COBL: variants seen among roughly 807,000 people sequenced by gnomAD.
COBL encodes cordon-bleu WH2 repeat protein, also known as protein cordon-bleu.
A neutral mutation model predicts 98.8 loss-of-function variants in COBL; 51 were observed. That is an observed-to-expected ratio of 0.52 (90% CI 0.41 to 0.65). The LOEUF (loss-of-function observed/expected upper bound fraction) is 0.65. Ranked by LOEUF, COBL falls within the 30% of genes least tolerant of loss-of-function variation. The pLI, the probability that COBL is intolerant of heterozygous loss-of-function variation, is 0.00. For missense variants in COBL, 1,617 were observed against 1,617.5 expected (o/e 1.00, Z 0.01); for synonymous variants, 634 against 651.7 (o/e 0.97, Z 0.41).
At chr7:51,191,202 T>C (rs1278132252) in intron 3 of COBL, 124 bp from the exon 4 acceptor site, 8 of 752,666 alleles carry the variant, frequency 1.1e-5, no homozygotes, top group South Asian at 6.8e-5. Context: ...CTTCCACAAA[T>C]TGAGTGAGTA....
intron 1 of COBL, among the ~76,000 whole-genome samples, chr7:51,221,225 G>A (rs1018741164): frequency 1.3e-5 from 2 of 152,124 alleles, no homozygotes; most frequent in Non-Finnish European, 1.5e-5. Flanking sequence ...CCACAGAGAG[G>A]CAGTGAGAGC....
At chr7:51,139,511 C>T (rs1799540435) in intron 5 of COBL, among the ~76,000 whole-genome samples, 1 of 152,184 alleles carries the variant, frequency 6.6e-6, no homozygotes, top group Non-Finnish European at 1.5e-5. Context: ...ATTTGCTCTA[C>T]ACAATTAACA....
intron 1 of COBL, among the ~76,000 whole-genome samples, chr7:51,265,075 C>T (rs1563104258): frequency 1.3e-5 from 2 of 152,148 alleles, no homozygotes; most frequent in Admixed American, 6.5e-5. Context: ...GCCCGATGCC[C>T]GACAACCAGC....
At chr7:51,023,852 C>T (rs1356714081) in intron 12 of COBL, among the ~76,000 whole-genome samples, 2 of 152,206 alleles carry the variant, frequency 1.3e-5, no homozygotes, top group Non-Finnish European at 2.9e-5. Flanking sequence ...ACTTCTTGTG[C>T]CCAAACTGAT....
intron 1 of COBL, among the ~76,000 whole-genome samples, chr7:51,272,008 G>A (rs562817177): frequency 2.0e-5 from 3 of 152,328 alleles, no homozygotes; most frequent in African/African-American, 4.8e-5. Flanking sequence ...CAGTCTGGGT[G>A]ACAGAGCAAG....
intron 1 of COBL, among the ~76,000 whole-genome samples, chr7:51,274,178 C>T (rs1799065677): frequency 6.6e-6 from 1 of 152,192 alleles, no homozygotes; most frequent in Non-Finnish European, 1.5e-5. Context: ...CGCTTCACTC[C>T]CCACACGGTA....
In COBL at chr7:51,207,461, G is replaced by A. The variant is rs925249154; in HGVS notation, c.245+12280C>T. 5.9e-5 allele frequency among the ~76,000 whole-genome samples: 9 copies of A among 152,122 alleles called. No individual in the cohort carries two copies. The South Asian group carries it at 8.3e-4, about 14-fold the overall frequency. On this transcript the variant is annotated intron_variant, in intron 2 of 12. Transcript: ENST00000265136. Reference sequence around the variant, plus strand: ...GGTCTCCCTCTCCCTCTCTTTCCACGGTCTCCCTCTGATGCCGAGCCGAAG... The same window carrying A: ...GGTCTCCCTCTCCCTCTCTTTCCACAGTCTCCCTCTGATGCCGAGCCGAAG...
intron 5 of COBL, among the ~76,000 whole-genome samples, chr7:51,175,391 C>T (rs1009495373): frequency 4.6e-5 from 7 of 152,194 alleles, no homozygotes; most frequent in Non-Finnish European, 1.0e-4. Flanking sequence ...GAGACCGCTC[C>T]TTAAACCCCC....
chr7:51,024,149 A>C (rs956899999), intron 12 of COBL, among the ~76,000 whole-genome samples: 9 of 151,806 alleles, frequency 5.9e-5, no homozygotes, highest in African/African-American at 2.2e-4. Context: ...CTCGACTAAA[A>C]CCACAAAAAA....
chr7:51,096,181 TAATGG>T (rs1185720746), intron 6 of COBL, among the ~76,000 whole-genome samples: 4 of 152,086 alleles, frequency 2.6e-5, no homozygotes, highest in Non-Finnish European at 2.9e-5. Context: ...TGACTATAAA[TAATGG>T]AATGAAGCTA....
At chr7:51,259,949 C>A in intron 1 of COBL, 1 of 757,972 alleles carries the variant, frequency 1.3e-6, no homozygotes, top group South Asian at 1.4e-5. Flanking sequence ...TGAGGTTTCA[C>A]TTCTAGTCAT....
At chr7:51,104,918 C>A (rs557698609) in intron 6 of COBL, among the ~76,000 whole-genome samples, 23 of 152,162 alleles carry the variant, frequency 1.5e-4, no homozygotes, top group African/African-American at 5.1e-4. Context: ...CAAGTTCATG[C>A]GTCTAGAAAG....
At chr7:51,237,135 A>G (rs1444603212) in intron 1 of COBL, among the ~76,000 whole-genome samples, 1 of 152,184 alleles carries the variant, frequency 6.6e-6, no homozygotes, top group Admixed American at 6.5e-5. Context: ...GAAGTCCTCA[A>G]TGTGCATGAG....
intron 4 of COBL, among the ~76,000 whole-genome samples, chr7:51,187,350 A>G (rs1789644288): frequency 6.6e-6 from 1 of 151,192 alleles, no homozygotes; most frequent in Non-Finnish European, 1.5e-5. Flanking sequence ...ACACACACAC[A>G]CACACATATA....
chr7:51,047,936 G>A (rs1188668565), intron 7 of COBL, among the ~76,000 whole-genome samples: 2 of 152,174 alleles, frequency 1.3e-5, no homozygotes, highest in Non-Finnish European at 2.9e-5. Context: ...GGAGGCTGAC[G>A]TGGGCGGATC....
chr7:51,189,817 C>G (rs1203200812), intron 4 of COBL, among the ~76,000 whole-genome samples: 2 of 152,152 alleles, frequency 1.3e-5, no homozygotes, highest in East Asian at 3.9e-4. Context: ...GAAACTTTTA[C>G]GAAGTCCATT....
chr7:51,187,854 C>A, intron 4 of COBL: 1 of 1,183,288 alleles, frequency 8.5e-7, no homozygotes, highest in South Asian at 4.3e-5. Flanking sequence ...CAGCTCTGAC[C>A]CCAGAGCCAT....
chr7:51,067,486 CAT>C (rs1054446886), intron 7 of COBL, among the ~76,000 whole-genome samples: 11 of 152,210 alleles, frequency 7.2e-5, no homozygotes, highest in Non-Finnish European at 1.5e-5. Context: ...TGCACATGTA[CAT>C]GAGTCTAGAT....
At chr7:51,123,343 A>G (rs542613400) in intron 6 of COBL, among the ~76,000 whole-genome samples, 14 of 152,318 alleles carry the variant, frequency 9.2e-5, no homozygotes, top group African/African-American at 2.9e-4. Flanking sequence ...GGCTAGCCTG[A>G]TGAAGTTAAC....
Sources: gnomAD v4.1 joint callset for allele counts (sites outside exome capture counted in the v4.1 genomes callset) on GRCh38, gnomAD v4.1.1 for gene constraint, MANE v1.5 for transcripts, NCBI Gene and HGNC (gene_info 2026-07-23, HGNC 2026-07-21) for gene names.